The following PAIP1 variants were observed in gnomAD, a reference collection of about 807,000 sequenced individuals.
The protein encoded by PAIP1 is polyadenylate-binding protein-interacting protein 1.
PAIP1 carries 16 observed loss-of-function variants against 61.3 expected under a neutral mutation model. That is an observed-to-expected ratio of 0.26 (90% CI 0.18 to 0.40). The LOEUF (loss-of-function observed/expected upper bound fraction) is 0.40, where lower values mean the gene tolerates loss of function less well. PAIP1 is among the 10% of genes least tolerant of loss of function. PAIP1 has a pLI of 1.00. For synonymous variants in PAIP1, 187 were observed against 226.2 expected (o/e 0.83, Z 1.56); for missense variants, 416 against 600.9 (o/e 0.69, Z 3.22).
At chr5:43,551,727 A>G (rs1017949168) in intron 2 of PAIP1, among the ~76,000 whole-genome samples, 3 of 148,398 alleles carry the variant, frequency 2.0e-5, no homozygotes, top group Non-Finnish European at 4.4e-5. Context: ...AATGCTGCTT[A>G]GAGCGCTGAT....
In PAIP1 at chr5:43,543,135, G is replaced by A; in HGVS notation, c.622-19C>T. 1.6e-6 allele frequency: 2 copies of A among 1,263,420 alleles called. No homozygotes were observed. Among genetic ancestry groups the A allele is most frequent in the Non-Finnish European group, 2.3e-6 (2 of 863,944 alleles). 78.3% of individuals were successfully genotyped at this position (1,263,420 alleles called of 1,614,324 possible). On this transcript the variant is annotated intron_variant, in intron 3 of 10. Transcript: ENST00000306846. ...ATGTGGCCTTTTAAAAAGAAGAAAA[G>A]TGTTATATGACATAGGTACATCATT...
intron 5 of PAIP1, among the ~76,000 whole-genome samples, chr5:43,538,608 A>G (rs1288418936): frequency 2.6e-5 from 4 of 152,228 alleles, no homozygotes; most frequent in Non-Finnish European, 4.4e-5. Flanking sequence ...GTATTAATAT[A>G]TAAGATGTAA....
chr5:43,529,662 G>C (rs1746859700), intron 10 of PAIP1, 124 bp downstream of exon 10: 1 of 692,990 alleles, frequency 1.4e-6, no homozygotes, highest in African/African-American at 1.8e-5. Context: ...AAAGTGTTGG[G>C]ATTACAGGCA....
intron 3 of PAIP1, among the ~76,000 whole-genome samples, chr5:43,547,330 T>C (rs1479955639): frequency 6.6e-6 from 1 of 152,010 alleles, no homozygotes; most frequent in Non-Finnish European, 1.5e-5. Flanking sequence ...ATTCAACACA[T>C]AGGGGAAAAG....
chr5:43,535,721 G>A (rs1747119080), intron 6 of PAIP1, 81 bp from the exon 7 acceptor site: 3 of 741,064 alleles, frequency 4.0e-6, no homozygotes, highest in East Asian at 5.3e-5. Flanking sequence ...AACAGTTCAA[G>A]CATTCTCTAA....
At chr5:43,540,278 A>G (rs1164274124) in intron 4 of PAIP1, among the ~76,000 whole-genome samples, 5 of 152,220 alleles carry the variant, frequency 3.3e-5, no homozygotes, top group Non-Finnish European at 7.3e-5. Context: ...TAGATAGTAC[A>G]TTCTGGTTAA....
Position 43,547,835 on chromosome 5 carries a change from G to T in PAIP1, c.514C>A (p.Gln172Lys), listed in dbSNP as rs779896134. 5 of 1,610,672 alleles carry T rather than the reference G, an allele frequency of 3.1e-6. No homozygotes were observed. The highest frequency in any genetic ancestry group is 8.5e-7 in the Non-Finnish European group (1 of 1,177,218). The part of the protein sequence containing the change: ...VQDFLNHLTE[Q>K]PGSFETEIEQ... ...ATTTCAGTTTCAAAACTGCCAGGCTGCTCTGTAAGATGATTCAAAAAATCC... is the reference window on the plus strand; with the variant it reads ...ATTTCAGTTTCAAAACTGCCAGGCTTCTCTGTAAGATGATTCAAAAAATCC... Residue 172 changes from glutamine (Q) to lysine (K), a missense_variant, in exon 3 of 11, where the codon CAG becomes AAG. Physicochemically the swap from Gln to Lys is moderately conservative, Grantham distance 53. This residue lies in a region of PAIP1 where 180 missense variants were observed against 211.2 expected (regional missense o/e 0.85). Coordinates refer to ENST00000306846, the MANE Select transcript of PAIP1 (RefSeq NM_006451.5).
At chr5:43,530,057 G>A (rs574486961) in intron 9 of PAIP1, among the ~76,000 whole-genome samples, 178 bp from the exon 10 acceptor site, 1 of 152,306 alleles carries the variant, frequency 6.6e-6, no homozygotes, top group East Asian at 1.9e-4. Flanking sequence ...TGTAGGTGAT[G>A]TACATTCATA....
chr5:43,548,530 A>G (rs1285656157), intron 2 of PAIP1, among the ~76,000 whole-genome samples: 1 of 152,228 alleles, frequency 6.6e-6, no homozygotes, highest in Non-Finnish European at 1.5e-5. Flanking sequence ...TGGCTGCTAC[A>G]TCCAGGTTGC....
intron 10 of PAIP1, 131 bp downstream of exon 10, chr5:43,529,655 G>C (rs1746858917): frequency 5.9e-6 from 4 of 675,340 alleles, no homozygotes; most frequent in Non-Finnish European, 8.1e-6. Flanking sequence ...GCCTCCCAAA[G>C]TGTTGGGATT....
chr5:43,529,925 C>A, intron 9 of PAIP1, 46 bp from the exon 10 acceptor site: 1 of 880,116 alleles, frequency 1.1e-6, no homozygotes, highest in Non-Finnish European at 1.9e-6. Context: ...AAAAATATCA[C>A]ATGAAATGAC....
At chr5:43,548,379 C>T (rs559830596) in intron 2 of PAIP1, among the ~76,000 whole-genome samples, 1 of 139,666 alleles carries the variant, frequency 7.2e-6, no homozygotes, top group African/African-American at 2.5e-5. Context: ...CAAATGTTGA[C>T]AACTTTTTTA....
chr5:43,536,639 T>TTC (rs1196133613), intron 6 of PAIP1, among the ~76,000 whole-genome samples, 180 bp downstream of exon 6: 1 of 152,222 alleles, frequency 6.6e-6, no homozygotes, highest in Admixed American at 6.5e-5. Context: ...CTTCTGAACT[T>TTC]GCTTCATATA....
At chr5:43,537,071 C>A in intron 5 of PAIP1, 127 bp from the exon 6 acceptor site, 1 of 555,134 alleles carries the variant, frequency 1.8e-6, no homozygotes, top group South Asian at 3.4e-5. Flanking sequence ...GGAACACACT[C>A]TGATATCTTC....
Position 43,536,845 on chromosome 5 carries a change from A to G in PAIP1, c.946T>C (p.Leu316=). ...TTTAACAATTTTACTGCACAAATTA[A>G]ATTGTCATCCATAGGATTAGAAAAC... ...ALFSNPMDDN[L]ICAVKLLKLT... The change falls in exon 6 of 11, where the codon TTA becomes CTA. Residue 316 remains leucine (L), a synonymous_variant. Coordinates refer to ENST00000306846, the MANE Select transcript of PAIP1 (RefSeq NM_006451.5). The G allele has an allele frequency of 3.3e-6, 5 of 1,533,424 alleles. No homozygotes were observed. In the African/African-American group the frequency reaches 4.2e-5, roughly 13 times the overall value. The allele number at this position is 1,533,424 out of a possible 1,614,324, so 95.0% of individuals were successfully genotyped here.
chr5:43,555,613 G>C (rs149338698), intron 2 of PAIP1, among the ~76,000 whole-genome samples: 63 of 152,328 alleles, frequency 4.1e-4, no homozygotes, highest in African/African-American at 1.5e-3. Context: ...ACACAGATGT[G>C]TATCTCAAGC....
intron 9 of PAIP1, 114 bp from the exon 10 acceptor site, chr5:43,529,993 A>G (rs1746874588): frequency 1.6e-6 from 1 of 637,396 alleles, no homozygotes. Context: ...ATGCTCAGAA[A>G]TCTTAAAGTA....
At chr5:43,529,756 T>A in intron 10 of PAIP1, 30 bp downstream of exon 10, 1 of 1,114,360 alleles carries the variant, frequency 9.0e-7, no homozygotes, top group Non-Finnish European at 1.4e-6. Context: ...CACAGAAATT[T>A]CACGAAGTTA....
Position 43,528,708 on chromosome 5 carries a change from CT to C in PAIP1, c.1346+1077del, listed in dbSNP as rs569415122. The stretch of plus-strand genomic sequence containing the variant: ...ATATCACTAGAATAAAAGTGGTTCA[CT>C]TTTTTAAAAAAATCTACAACACAGG... On this transcript the variant is annotated intron_variant, in intron 10 of 10. Coordinates refer to ENST00000306846, the MANE Select transcript of PAIP1 (RefSeq NM_006451.5). 2.0e-3 allele frequency among the ~76,000 whole-genome samples: 305 copies of C among 152,114 alleles called. 2 individuals carry two copies. Among genetic ancestry groups the C allele is most frequent in the Admixed American group, 8.4e-3 (128 of 15,282 alleles).
Sources: gnomAD v4.1 joint callset for allele counts (sites outside exome capture counted in the v4.1 genomes callset) on GRCh38, gnomAD v4.1.1 for gene constraint, gnomAD v4.1.1 regional missense constraint, MANE v1.5 for transcripts, NCBI Gene and HGNC (gene_info 2026-07-23, HGNC 2026-07-21) for gene names.